The following TEAD3 variants were observed in gnomAD, a reference collection of about 807,000 sequenced individuals.
TEAD3 encodes transcriptional enhancer factor TEF-5.
In TEAD3, 15 loss-of-function variants were observed where a neutral mutation model predicts 55.6. The ratio of observed to expected loss-of-function variants is 0.27; its 90% confidence interval spans 0.18 to 0.42. The LOEUF is 0.42. Ranked by LOEUF, TEAD3 falls within the 10% of genes least tolerant of loss-of-function variation. The probability of loss-of-function intolerance (pLI) is 1.00; values close to 1 mark genes in which losing one functional copy is unlikely to be tolerated. For missense variants in TEAD3, 407 were observed against 576.8 expected (o/e 0.71, Z 3.01); for synonymous variants, 210 against 232.2 (o/e 0.90, Z 0.87).
At chr6:35,489,863 T>C (rs1768471169) in intron 1 of TEAD3, among the ~76,000 whole-genome samples, 1 of 151,916 alleles carries the variant, frequency 6.6e-6, no homozygotes, top group Non-Finnish European at 1.5e-5. Context: ...GTGAAAACCT[T>C]GTCTCTATTT....
In TEAD3 at chr6:35,475,165, G is replaced by T. The variant is rs1028318634; in HGVS notation, c.1195-8C>A. 9 of 1,573,776 alleles carry T rather than the reference G, an allele frequency of 5.7e-6. No homozygotes were observed. In the Middle Eastern group the frequency reaches 5.0e-4, roughly 87 times the overall value. ...GTCCCGGCTCGTGACCACCTGGGGG[G>T]TGAGCAGGTAAGAGATTCAGGAGGT... is the stretch of plus-strand genomic sequence containing the variant. On this transcript the variant is annotated splice_region_variant and splice_polypyrimidine_tract_variant and intron_variant, in intron 12 of 12. Coordinates refer to ENST00000639578, the Ensembl canonical transcript of TEAD3. The surrounding 1 kb of genome is among the most constrained non-coding windows in gnomAD (Gnocchi z 5.4).
chr6:35,484,563 T>C lies in TEAD3; in HGVS notation c.264A>G (p.Lys88=). 1 of 1,603,564 alleles carries C rather than the reference T, an allele frequency of 6.2e-7. No individual in the cohort carries two copies. The highest frequency in any genetic ancestry group is 8.5e-7 in the Non-Finnish European group (1 of 1,175,102). ...CCAGCATAAACCGTCTCTCTACCTGTTTTCTCGTCCGAGTCTTCCCCGTCC... is the reference window on the plus strand; with the variant it reads ...CCAGCATAAACCGTCTCTCTACCTGCTTTCTCGTCCGAGTCTTCCCCGTCC... Residue 88 remains lysine, a synonymous_variant, in exon 3 of 13, where the codon AAA becomes AAG. Transcript: ENST00000639578. This position sits in a 1 kb window ranked among gnomAD's most constrained non-coding sequence, Gnocchi z 5.8.
In TEAD3 at chr6:35,491,327, G is replaced by C. The variant is rs762173266; in HGVS notation, c.-49-4616C>G. 3.3e-5 allele frequency among the ~76,000 whole-genome samples: 5 copies of C among 151,628 alleles called. No homozygotes were observed. Among genetic ancestry groups the C allele is most frequent in the Non-Finnish European group, 7.4e-5 (5 of 67,912 alleles). The stretch of plus-strand genomic sequence containing the variant: ...GGGCACAGACAAGGCAACCAACAAA[G>C]ACCTAGAAAGAGACACACAGCAGAG... On this transcript the variant is annotated intron_variant, in intron 1 of 12. Coordinates refer to ENST00000639578, the Ensembl canonical transcript of TEAD3. This position sits in a 1 kb window ranked among gnomAD's most constrained non-coding sequence, Gnocchi z 4.4.
chr6:35,476,262 C>T (rs767169749), intron 9 of TEAD3, 40 bp downstream of exon 9: 1 of 1,600,360 alleles, frequency 6.2e-7, no homozygotes, highest in East Asian at 2.2e-5. Flanking sequence ...GGCCTCTCCA[C>T]AATTGTGCAA....
At chr6:35,493,181 TA>T (rs1197361460) in intron 1 of TEAD3, among the ~76,000 whole-genome samples, 1 of 152,228 alleles carries the variant, frequency 6.6e-6, no homozygotes, top group East Asian at 1.9e-4. Flanking sequence ...GCTGGGTTTT[TA>T]AAAATGTCTT....
At chr6:35,492,445 C>T (rs1472045864) in intron 1 of TEAD3, among the ~76,000 whole-genome samples, 1 of 152,142 alleles carries the variant, frequency 6.6e-6, no homozygotes, top group Non-Finnish European at 1.5e-5. Context: ...CTGTCTCCCC[C>T]ACCTCCAGCC....
At chr6:35,490,334 TGGTGAG>T (rs1768483878) in intron 1 of TEAD3, among the ~76,000 whole-genome samples, 1 of 151,798 alleles carries the variant, frequency 6.6e-6, no homozygotes, top group Non-Finnish European at 1.5e-5. Flanking sequence ...CGCTGGCAGC[TGGTGAG>T]GGGGAGGGGA....
Position 35,488,004 on chromosome 6 carries a change from A to T in TEAD3, c.-49-1293T>A, listed in dbSNP as rs540788314. 1.3e-5 allele frequency among the ~76,000 whole-genome samples: 2 copies of T among 152,264 alleles called. No individual in the cohort carries two copies. The highest frequency in any genetic ancestry group is 1.3e-4 in the Admixed American group (2 of 15,292). ...GCCCCAGCATCAGTGCAACCCTGCT[A>T]AGGACCCCTCAGGGGACAAGGAGAG... On this transcript the variant is annotated intron_variant, in intron 1 of 12. Coordinates refer to ENST00000639578, the Ensembl canonical transcript of TEAD3. This position sits in a 1 kb window ranked among gnomAD's most constrained non-coding sequence, Gnocchi z 4.2.
rs1768384914 is a variant in TEAD3, at chr6:35,486,501, G to A, written c.162C>T (p.Gly54=). The A allele has an allele frequency of 1.9e-6, 3 of 1,613,468 alleles. No individual in the cohort carries two copies. The highest frequency in any genetic ancestry group is 2.5e-6 in the Non-Finnish European group (3 of 1,179,738). ...CGTCTGACAGGATGATCTTCCGCCG[G>A]CCGCAGGGCGGGTAGATGGCCAGGG... The change falls in exon 2 of 13, where the codon GGC becomes GGT. Residue 54 remains glycine, a synonymous_variant. Transcript: ENST00000639578. The surrounding 1 kb of genome is among the most constrained non-coding windows in gnomAD (Gnocchi z 7.3).
intron 7 of TEAD3, 76 bp downstream of exon 7, chr6:35,478,199 G>C (rs1460371955): frequency 6.3e-7 from 1 of 1,575,376 alleles, no homozygotes; most frequent in Non-Finnish European, 8.7e-7. Context: ...AGCTGTTGCT[G>C]GAGCCCAAAT....
At position 35,485,366 on chromosome 6, in the gene TEAD3, C is replaced by T. The variant is rs888920952; in HGVS notation, c.203-742G>A. ...CTGCACCACAGACCCTCTGAGGGCC[C>T]AAAAGCTGCCAGTGTCCAGGGACTT... On this transcript the variant is annotated intron_variant, in intron 2 of 12. Coordinates refer to ENST00000639578, the Ensembl canonical transcript of TEAD3. This position sits in a 1 kb window ranked among gnomAD's most constrained non-coding sequence, Gnocchi z 4.3. 2.0e-5 allele frequency among the ~76,000 whole-genome samples: 3 copies of T among 152,038 alleles called. No homozygotes were observed. Among genetic ancestry groups the T allele is most frequent in the Non-Finnish European group, 2.9e-5 (2 of 68,004 alleles).
chr6:35,486,651 G>A lies in TEAD3; in HGVS notation c.12C>T (p.Asn4=), dbSNP rs765043653. 1.2e-6 allele frequency: 2 copies of A among 1,612,688 alleles called. No individual in the cohort carries two copies. Among genetic ancestry groups the A allele is most frequent in the Middle Eastern group, 1.7e-4 (1 of 6,048 alleles). ...CGGGGCTGCTGCTGGCGTTCCAGCTGTTGGACGCTATTGTGCTGGTTGCTC... is the reference window on the plus strand; with the variant it reads ...CGGGGCTGCTGCTGGCGTTCCAGCTATTGGACGCTATTGTGCTGGTTGCTC... The change falls in exon 2 of 13, where the codon AAC becomes AAT. Residue 4 remains asparagine (N), a synonymous_variant. Transcript: ENST00000639578. The surrounding 1 kb of genome is among the most constrained non-coding windows in gnomAD (Gnocchi z 7.3).
intron 3 of TEAD3, among the ~76,000 whole-genome samples, chr6:35,481,280 C>T (rs1488453764): frequency 6.6e-6 from 1 of 152,102 alleles, no homozygotes; most frequent in Non-Finnish European, 1.5e-5. Flanking sequence ...AAAGATCTGA[C>T]CCAGAGGCAC....
downstream of TEAD3, chr6:35,474,159 A>G (rs958810601): frequency 1.3e-5 from 2 of 152,006 alleles, no homozygotes; most frequent in African/African-American, 4.8e-5. Flanking sequence ...TCCTTCCTCT[A>G]CCTTGCTCTC....
chr6:35,496,328 C>G lies in TEAD3; in HGVS notation c.-50+570G>C, dbSNP rs1768652163. On this transcript the variant is annotated intron_variant, in intron 1 of 12. Transcript: ENST00000639578. This position sits in a 1 kb window ranked among gnomAD's most constrained non-coding sequence, Gnocchi z 4.8. ...GGAACGTGAGCCCCTCCCTGCCTCT[C>G]AGGGGACACACGGCCGGGGCGCGCG... Among the ~76,000 whole-genome samples, 1 of 152,212 alleles carries G rather than the reference C, an allele frequency of 6.6e-6. No individual in the cohort carries two copies. The highest frequency in any genetic ancestry group is 1.9e-4 in the East Asian group (1 of 5,186).
At chr6:35,478,248 C>G (rs754003046) in intron 7 of TEAD3, 27 bp downstream of exon 7, 4 of 1,612,192 alleles carry the variant, frequency 2.5e-6, no homozygotes, top group Non-Finnish European at 3.4e-6. Flanking sequence ...AGGAAGAGGG[C>G]GTGGGATGAT....
At chr6:35,479,628 G>C (rs1287371300) in intron 4 of TEAD3, among the ~76,000 whole-genome samples, 2 of 152,244 alleles carry the variant, frequency 1.3e-5, no homozygotes, top group East Asian at 3.8e-4. Context: ...TGGGCAGGGA[G>C]AAGAGCACAC....
chr6:35,480,875 C>T (rs180895274), intron 3 of TEAD3, among the ~76,000 whole-genome samples: 1 of 152,270 alleles, frequency 6.6e-6, no homozygotes, highest in East Asian at 1.9e-4. Context: ...TCAGAGGAGA[C>T]AACCTTTTTC....
rs536665089 is a variant in TEAD3, at chr6:35,483,449, C to A, written c.267+1111G>T. On this transcript the variant is annotated intron_variant, in intron 3 of 12. Transcript: ENST00000639578. This position sits in a 1 kb window ranked among gnomAD's most constrained non-coding sequence, Gnocchi z 4.5. ...GCCATCACTCCCATCCACTCCCCTT[C>A]AGGTTTCTGTCACTACACTGCCACC... Among the ~76,000 whole-genome samples, 7 of 152,330 alleles carry A rather than the reference C, an allele frequency of 4.6e-5. No homozygotes were observed. The highest frequency in any genetic ancestry group is 1.0e-4 in the Non-Finnish European group (7 of 68,014).
Sources: allele counts gnomAD v4.1 joint callset (sites outside exome capture counted in the v4.1 genomes callset), GRCh38; gene constraint gnomAD v4.1.1; non-coding constraint Gnocchi (gnomAD v3.1); transcripts MANE v1.5; gene names NCBI Gene and HGNC (gene_info 2026-07-23, HGNC 2026-07-21).